Variants in SACS observed in about 807,000 individuals in gnomAD.
SACS encodes the protein sacsin.
In SACS, 197 loss-of-function variants were observed where a neutral mutation model predicts 348.0. The observed-to-expected ratio is 0.57, with a 90% CI of 0.50 to 0.64. SACS has a LOEUF of 0.64. Ranked by LOEUF, SACS falls within the 30% of genes least tolerant of loss-of-function variation. The probability of loss-of-function intolerance (pLI) is 0.00; values close to 1 mark genes in which losing one functional copy is unlikely to be tolerated. For missense variants in SACS, 4,999 were observed against 5,360.8 expected (o/e 0.93, Z 2.11); for synonymous variants, 1,985 against 1,910.6 (o/e 1.04, Z -1.02).
intron 2 of SACS, among the ~76,000 whole-genome samples, chr13:23,397,981 C>T (rs1872773105): frequency 6.6e-6 from 1 of 151,968 alleles, no homozygotes; most frequent in Non-Finnish European, 1.5e-5. Flanking sequence ...CACCTGAGGT[C>T]GGGAGTTCGA....
At chr13:23,393,866 T>C (rs905433951) in intron 2 of SACS, among the ~76,000 whole-genome samples, 1 of 152,186 alleles carries the variant, frequency 6.6e-6, no homozygotes, top group African/African-American at 2.4e-5. Context: ...GTTCACACCA[T>C]TCTCCTGCCT....
In SACS at chr13:23,331,450, T is replaced by A. The variant is rs1883469994; in HGVS notation, c.12426A>T (p.Lys4142Asn). 1 of 1,613,926 alleles carries A rather than the reference T, an allele frequency of 6.2e-7. No individual in the cohort carries two copies. The change falls in exon 10 of 10, where the codon AAA becomes AAT. Residue 4142 changes from lysine to asparagine, a missense_variant. Physicochemically the swap from Lys to Asn is moderately conservative, Grantham distance 94 (BLOSUM62 0). Transcript: ENST00000382292. ...GTTTTGATGGCTCCGAAGAGTCATA[T>A]TTCACTCCTAAACTGTCAAGTTTCT... ...IGEKLDSLGV[K>N]YDSSEPSKLE...
In SACS at chr13:23,331,156, A is replaced by G. The variant is rs747702706; in HGVS notation, c.12720T>C (p.Leu4240=). ...CAGGTCTTGAAAACTTATACAGATC[A>G]AGAGAGCTAACTATTTTATATTCAC... ...GYSEYKIVSS[L]DLYKFSRPEE... Residue 4240 remains leucine, a synonymous_variant, in exon 10 of 10, where the codon CTT becomes CTC. Transcript: ENST00000382292. 1.2e-6 allele frequency: 2 copies of G among 1,614,036 alleles called. No individual in the cohort carries two copies. The highest frequency in any genetic ancestry group is 1.7e-6 in the Non-Finnish European group (2 of 1,179,934).
chr13:23,433,543 T>G (rs1239298551), intron 1 of SACS, 72 bp downstream of exon 1: 2 of 152,304 alleles, frequency 1.3e-5, no homozygotes, highest in African/African-American at 2.4e-5. Context: ...AACAACACCA[T>G]GGAGCCTGCC....
rs1883603870 is a variant in SACS at position 23,333,171 on chromosome 13, G to A, written c.10705C>T (p.Leu3569Phe). 1.2e-6 allele frequency: 2 copies of A among 1,607,252 alleles called. No homozygotes were observed. The highest frequency in any genetic ancestry group is 1.7e-6 in the Non-Finnish European group (2 of 1,177,458). The change falls in exon 10 of 10, where the codon CTT (leucine) becomes TTT (phenylalanine). Residue 3569 changes from leucine (L) to phenylalanine (F), a missense_variant. This residue lies in a region of SACS where 831 missense variants were observed against 941.8 expected (regional missense o/e 0.88). Transcript: ENST00000382292. ...GTAACATGATTTTTGGGTTTTATAA[G>A]TTGTTCCAATTTCTTAAAGAAATCA... ...PNDFFKKLEQ[L>F]IKPKNHVTFM... is the part of the protein sequence containing the mutation.
In SACS at chr13:23,336,477, A is replaced by C. The variant is rs1246958958; in HGVS notation, c.7399T>G (p.Cys2467Gly). The change falls in exon 10 of 10, where the codon TGC becomes GGC. Residue 2467 changes from cysteine to glycine, a missense_variant. By Grantham distance (159) the Cys-to-Gly change is radical. Transcript: ENST00000382292. The stretch of plus-strand genomic sequence containing the variant: ...TTTATCCAAGGGCAATCATTGTAGC[A>C]TAACGATTTAGCAGGGAGAAGCATA... ...NLMLLPAKSL[C>G]YNDCPWIKVK... The C allele has an allele frequency of 6.2e-7, 1 of 1,614,090 alleles. No homozygotes were observed. Among genetic ancestry groups the C allele is most frequent in the South Asian group, 1.1e-5 (1 of 91,086 alleles).
In SACS at chr13:23,335,763, C is replaced by G; in HGVS notation, c.8113G>C (p.Ala2705Pro). ...ATTTCCGAAACTTTTGCCATTTCTG[C>G]ATTACGAAGAGGAAATCTGAACATT... Reference protein sequence around the residue: ...CTMFRFPLRNAEMAKVSEISS... With the variant: ...CTMFRFPLRNPEMAKVSEISS... The change falls in exon 10 of 10, where the codon GCA (alanine) becomes CCA (proline). Residue 2705 changes from alanine (A) to proline (P), a missense_variant. Ala to Pro is a conservative substitution (Grantham distance 27, BLOSUM62 -1). Coordinates refer to ENST00000382292, the MANE Select transcript of SACS (RefSeq NM_014363.6). This position sits in a 1 kb window ranked among gnomAD's most constrained non-coding sequence, Gnocchi z 4.7. 1 of 1,614,000 alleles carries G rather than the reference C, an allele frequency of 6.2e-7. No homozygotes were observed. Among genetic ancestry groups the G allele is most frequent in the Non-Finnish European group, 8.5e-7 (1 of 1,179,906 alleles).
chr13:23,389,233 T>A (rs1872432651), intron 2 of SACS, among the ~76,000 whole-genome samples: 1 of 152,084 alleles, frequency 6.6e-6, no homozygotes, highest in South Asian at 2.1e-4. Context: ...AGCCTGTGTC[T>A]TTAAGTTACA....
chr13:23,346,782 CA>C lies in SACS; in HGVS notation c.2186-5093del, dbSNP rs1476209193. ...CCAAATGAACAAAAACATCAGGCTT[CA>C]AATGAACACAACATTCAGTTATCCT... On this transcript the variant is annotated intron_variant, in intron 9 of 9. Coordinates refer to ENST00000382292, the MANE Select transcript of SACS (RefSeq NM_014363.6). 10 of 976,606 alleles carry C rather than the reference CA, an allele frequency of 1.0e-5. No homozygotes were observed. The East Asian group carries it at 1.1e-3, about 111-fold the overall frequency. 60.5% of individuals were successfully genotyped at this position (976,606 alleles called of 1,614,324 possible).
intron 3 of SACS, chr13:23,373,418 A>C (rs970393520): frequency 1.3e-5 from 2 of 152,610 alleles, no homozygotes; most frequent in Non-Finnish European, 2.9e-5. Context: ...TGTAGACTTC[A>C]CTAGGCCTTC....
At chr13:23,409,684 G>A (rs779263480) in intron 2 of SACS, among the ~76,000 whole-genome samples, 5 of 152,162 alleles carry the variant, frequency 3.3e-5, no homozygotes, top group South Asian at 4.1e-4. Context: ...AAAAAAGACT[G>A]ATGTTTTGAC....
At position 23,341,290 on chromosome 13, in the gene SACS, C is replaced by T. The variant is rs146383946; in HGVS notation, c.2586G>A (p.Pro862=). ...GTGAATGAATATATTTTTTAATAAG[C>T]GGATGTTGTATAGATGCATCTAATT... The part of the protein sequence containing the change: ...LKKLDASIQH[P]LIKKYIHSPL... The change falls in exon 10 of 10, where the codon CCG becomes CCA. Residue 862 remains proline (P), a synonymous_variant. Coordinates refer to ENST00000382292, the MANE Select transcript of SACS (RefSeq NM_014363.6). 60 of 1,613,180 alleles carry T rather than the reference C, an allele frequency of 3.7e-5. No individual in the cohort carries two copies. Among genetic ancestry groups the T allele is most frequent in the East Asian group, 6.7e-5 (3 of 44,882 alleles).
In SACS at chr13:23,329,502, TAAAA is replaced by T; in HGVS notation, c.*630_*633del. On this transcript the variant is annotated 3_prime_UTR_variant, in exon 10 of 10. Coordinates refer to ENST00000382292, the MANE Select transcript of SACS (RefSeq NM_014363.6). Reference sequence around the variant, plus strand: ...CAGGAAGCCTGTAAACATAAGATGTTAAAAAAAAATTTAAATAAAGATGTAAAGT... The same window carrying T: ...CAGGAAGCCTGTAAACATAAGATGTTAAAAATTTAAATAAAGATGTAAAGT... 1 of 734,112 alleles carries T rather than the reference TAAAA, an allele frequency of 1.4e-6. No homozygotes were observed. Among genetic ancestry groups the T allele is most frequent in the Non-Finnish European group, 2.5e-6 (1 of 401,150 alleles). 45.5% of individuals were successfully genotyped at this position (734,112 alleles called of 1,614,324 possible). A position where few individuals can be genotyped will look rare whatever the true frequency, so the allele number is the denominator to read the frequency against.
Position 23,334,366 on chromosome 13 carries a change from T to A in SACS, c.9510A>T (p.Arg3170=). Residue 3170 remains arginine, a synonymous_variant, in exon 10 of 10, where the codon CGA becomes CGT. Transcript: ENST00000382292. ...DSVLQTFDAK[R]PKFLTTYHEL... ...CATGATATGTTGTTAGAAACTTGGG[T>A]CGTTTTGCATCAAAAGTTTGCAAAA... 6.2e-7 allele frequency: 1 copy of A among 1,612,530 alleles called. No individual in the cohort carries two copies. Among genetic ancestry groups the A allele is most frequent in the Non-Finnish European group, 8.5e-7 (1 of 1,179,212 alleles).
At chr13:23,346,356 A>C (rs1869606313) in intron 9 of SACS, among the ~76,000 whole-genome samples, 1 of 152,056 alleles carries the variant, frequency 6.6e-6, no homozygotes, top group Non-Finnish European at 1.5e-5. Flanking sequence ...ATCTTGGCCA[A>C]GCTGGTCTTG....
At position 23,330,139 on chromosome 13, in the gene SACS, C is replaced by A. The variant is rs761855750; in HGVS notation, c.13737G>T (p.Val4579=). 6.2e-7 allele frequency: 1 copy of A among 1,613,332 alleles called. No homozygotes were observed. The highest frequency in any genetic ancestry group is 2.2e-5 in the East Asian group (1 of 44,876). The change falls in exon 10 of 10, where the codon GTG becomes GTT. Residue 4579 remains valine, a synonymous_variant. Coordinates refer to ENST00000382292, the MANE Select transcript of SACS (RefSeq NM_014363.6). ...CCTTTTTTTTCGTTAAATATCTTCA[C>A]ACTTTTTGTTGCATAAAATTTTCAA... ...IKLENFMQQK[V] is the part of the protein sequence containing the mutation.
Position 23,396,140 on chromosome 13 carries a change from A to G in SACS, c.20+15080T>C, listed in dbSNP as rs997078437. 2.0e-5 allele frequency among the ~76,000 whole-genome samples: 3 copies of G among 152,142 alleles called. No homozygotes were observed. In the South Asian group the frequency reaches 6.2e-4, roughly 32 times the overall value. ...GGAGTTCGCGACCAGCCTGGCCAAC[A>G]TGGTGAAACCGTGTCTCTACTAAAA... On this transcript the variant is annotated intron_variant, in intron 2 of 9. Transcript: ENST00000382292.
chr13:23,420,158 G>A (rs1160467723), intron 1 of SACS, among the ~76,000 whole-genome samples: 3 of 152,024 alleles, frequency 2.0e-5, no homozygotes, highest in Admixed American at 1.3e-4. Context: ...TCAATCTGGT[G>A]CCCCATGTCC....
chr13:23,341,188 A>C lies in SACS; in HGVS notation c.2688T>G (p.Leu896=). 6.2e-7 allele frequency: 1 copy of C among 1,613,608 alleles called. No individual in the cohort carries two copies. The highest frequency in any genetic ancestry group is 8.5e-7 in the Non-Finnish European group (1 of 1,180,026). The change falls in exon 10 of 10, where the codon CTT becomes CTG. Residue 896 remains leucine (L), a synonymous_variant. Transcript: ENST00000382292. ...TCCTCAGGGCATCTTTGTGTGTTGG[A>C]AGTAGCGAAGTTATTTGATTACACA... The part of the protein sequence containing the change: ...QKLCNQITSL[L]PTHKDALRKF...
Sources: allele counts gnomAD v4.1 joint callset (sites outside exome capture counted in the v4.1 genomes callset), GRCh38; gene constraint gnomAD v4.1.1; regional missense constraint gnomAD v4.1.1; non-coding constraint Gnocchi (gnomAD v3.1); transcripts MANE v1.5; gene names NCBI Gene and HGNC (gene_info 2026-07-23, HGNC 2026-07-21).